Variants in ADAM18 observed in about 807,000 individuals in gnomAD.
The protein encoded by ADAM18 is disintegrin and metalloproteinase domain-containing protein 18.
A neutral mutation model predicts 94.4 loss-of-function variants in ADAM18; 117 were observed. The ratio of observed to expected loss-of-function variants is 1.24; its 90% CI spans 1.07 to 1.45. The LOEUF is 1.45. Among genes scored for constraint, ADAM18 ranks in the 40% most tolerant of loss-of-function variants. ADAM18 has a pLI of 0.00. For synonymous variants in ADAM18, 327 were observed against 291.6 expected (o/e 1.12, Z -1.24); for missense variants, 936 against 880.0 (o/e 1.06, Z -0.81).
At chr8:39,644,057 C>T (rs1231391372) in intron 10 of ADAM18, among the ~76,000 whole-genome samples, 2 of 151,950 alleles carry the variant, frequency 1.3e-5, no homozygotes, top group Non-Finnish European at 2.9e-5. Flanking sequence ...CAGTCATATA[C>T]ATACAAACAT....
chr8:39,683,794 G>A (rs1821532971), intron 16 of ADAM18, among the ~76,000 whole-genome samples: 1 of 151,958 alleles, frequency 6.6e-6, no homozygotes, highest in African/African-American at 2.4e-5. Flanking sequence ...ATATCCTAAA[G>A]GCAAGATGGC....
intron 6 of ADAM18, among the ~76,000 whole-genome samples, chr8:39,616,465 A>G (rs1272388067): frequency 6.6e-6 from 1 of 152,200 alleles, no homozygotes; most frequent in Non-Finnish European, 1.5e-5. Context: ...TTACAGATTC[A>G]ATGCTATTCC....
intron 2 of ADAM18, among the ~76,000 whole-genome samples, chr8:39,604,206 A>G (rs1585887651): frequency 6.6e-6 from 1 of 152,364 alleles, no homozygotes; most frequent in South Asian, 2.1e-4. Context: ...TGAAATGAAA[A>G]ATAGTTTTTC....
Position 39,706,894 on chromosome 8 carries a change from T to C in ADAM18, c.2007T>C (p.Phe669=), listed in dbSNP as rs1454533093. The part of the protein sequence containing the change: ...SPGGSIDDGN[F]QKSGDFYTEK... ...GGGGTAGTATTGATGATGGAAATTT[T>C]CAGAAATCTGGTAAGTGGAAATTTG... The change falls in exon 18 of 20, where the codon TTT becomes TTC. Residue 669 remains phenylalanine, a synonymous_variant. Coordinates refer to ENST00000265707, the MANE Select transcript of ADAM18 (RefSeq NM_014237.3). 6.3e-7 allele frequency: 1 copy of C among 1,580,220 alleles called. No individual in the cohort carries two copies. Among genetic ancestry groups the C allele is most frequent in the Non-Finnish European group, 8.7e-7 (1 of 1,155,874 alleles).
At chr8:39,637,761 T>C in intron 9 of ADAM18, 58 bp downstream of exon 9, 1 of 1,409,390 alleles carries the variant, frequency 7.1e-7, no homozygotes, top group East Asian at 2.5e-5. Flanking sequence ...AAATTGGTAA[T>C]TTAGTGAATT....
intron 6 of ADAM18, among the ~76,000 whole-genome samples, chr8:39,617,557 AT>A (rs1585903212): frequency 6.6e-6 from 1 of 152,218 alleles, no homozygotes; most frequent in African/African-American, 2.4e-5. Context: ...TCATAGTACT[AT>A]TCACAGTAGC....
At chr8:39,660,163 A>T (rs2129579963) in intron 12 of ADAM18, among the ~76,000 whole-genome samples, 1 of 152,260 alleles carries the variant, frequency 6.6e-6, no homozygotes, top group East Asian at 1.9e-4. Flanking sequence ...TCACAAGGAT[A>T]AACAACAAGA....
At chr8:39,687,486 G>A (rs1408322705) in intron 16 of ADAM18, among the ~76,000 whole-genome samples, 2 of 152,024 alleles carry the variant, frequency 1.3e-5, no homozygotes, top group East Asian at 3.9e-4. Context: ...TGTATTTTAG[G>A]TTCAGGAGGC....
chr8:39,626,893 T>C (rs1336384735), intron 6 of ADAM18, among the ~76,000 whole-genome samples: 1 of 152,150 alleles, frequency 6.6e-6, no homozygotes, highest in African/African-American at 2.4e-5. Flanking sequence ...GAATAGTTTG[T>C]AAATATGTGT....
intron 10 of ADAM18, among the ~76,000 whole-genome samples, chr8:39,641,424 A>G (rs1392974016): frequency 6.6e-6 from 1 of 151,840 alleles, no homozygotes; most frequent in East Asian, 1.9e-4. Context: ...TGTACAGATT[A>G]TTTCAACATC....
chr8:39,634,398 A>G (rs575251661), intron 7 of ADAM18, among the ~76,000 whole-genome samples: 1 of 152,286 alleles, frequency 6.6e-6, no homozygotes, highest in South Asian at 2.1e-4. Context: ...TAGAGCCACC[A>G]GGAAGGAACA....
At chr8:39,684,311 C>T (rs1257130617) in intron 16 of ADAM18, among the ~76,000 whole-genome samples, 2 of 151,380 alleles carry the variant, frequency 1.3e-5, no homozygotes, top group Non-Finnish European at 2.9e-5. Flanking sequence ...TTATTGTTAC[C>T]TCTCTCATAG....
At position 39,628,309 on chromosome 8, in the gene ADAM18, T is replaced by C. The variant is rs146567314; in HGVS notation, c.523-1065T>C. ...CTTTTTTACAAAATTGCAGTATACATGTATACACAAAGAGAGGATATATAG... is the reference window on the plus strand; with the variant it reads ...CTTTTTTACAAAATTGCAGTATACACGTATACACAAAGAGAGGATATATAG... On this transcript the variant is annotated intron_variant, in intron 6 of 19. Coordinates refer to ENST00000265707, the MANE Select transcript of ADAM18 (RefSeq NM_014237.3). Among the ~76,000 whole-genome samples the C allele has an allele frequency of 3.2e-3, 488 of 152,008 alleles. 2 individuals carry two copies. The highest frequency in any genetic ancestry group is 0.011 in the African/African-American group (472 of 41,500).
chr8:39,632,222 A>C (rs912651515), intron 7 of ADAM18, among the ~76,000 whole-genome samples: 1 of 150,704 alleles, frequency 6.6e-6, no homozygotes, highest in Non-Finnish European at 1.5e-5. Context: ...CTTTTATTTC[A>C]TTTTATTGTT....
At chr8:39,726,979 T>C (rs1450937236) in intron 19 of ADAM18, among the ~76,000 whole-genome samples, 2 of 152,216 alleles carry the variant, frequency 1.3e-5, no homozygotes, top group African/African-American at 4.8e-5. Context: ...AAATGTGACA[T>C]TCTTTTACCA....
intron 19 of ADAM18, among the ~76,000 whole-genome samples, chr8:39,724,554 T>G (rs910983911): frequency 2.0e-5 from 3 of 151,918 alleles, no homozygotes; most frequent in Non-Finnish European, 4.4e-5. Flanking sequence ...TTCAGTTTTG[T>G]ATTTCATTAA....
At chr8:39,711,385 G>C (rs1822393496) in intron 18 of ADAM18, among the ~76,000 whole-genome samples, 1 of 152,096 alleles carries the variant, frequency 6.6e-6, no homozygotes. Flanking sequence ...AGGAAAGCAT[G>C]ACCTATTCAC....
chr8:39,664,907 T>C (rs1366869028), intron 13 of ADAM18, among the ~76,000 whole-genome samples: 1 of 149,636 alleles, frequency 6.7e-6, no homozygotes, highest in East Asian at 1.9e-4. Flanking sequence ...ATCACCTCTA[T>C]GTAAATATTC....
intron 2 of ADAM18, among the ~76,000 whole-genome samples, chr8:39,599,007 C>T (rs529405669): frequency 5.9e-5 from 9 of 152,048 alleles, no homozygotes; most frequent in East Asian, 2.0e-4. Context: ...GACAGGGTTT[C>T]GCCATGTTGG....
Sources: allele counts gnomAD v4.1 joint callset (sites outside exome capture counted in the v4.1 genomes callset), GRCh38; gene constraint gnomAD v4.1.1; transcripts MANE v1.5; gene names NCBI Gene and HGNC (gene_info 2026-07-23, HGNC 2026-07-21).